Variants in RAVER1 observed in about 807,000 individuals in gnomAD.
RAVER1 encodes ribonucleoprotein PTB-binding 1.
RAVER1 carries 36 observed loss-of-function variants against 68.4 expected under a neutral mutation model. The ratio of observed to expected loss-of-function variants is 0.53; its 90% CI spans 0.40 to 0.70. The LOEUF (loss-of-function observed/expected upper bound fraction) is 0.70, where lower values mean the gene tolerates loss of function less well. RAVER1 is among the 30% of genes least tolerant of loss of function. RAVER1 has a pLI of 0.00. For missense variants in RAVER1, 933 were observed against 1,019.8 expected, an observed-to-expected ratio of 0.91 and a Z score of 1.16; for synonymous variants, 469 against 472.7, an observed-to-expected ratio of 0.99 and a Z score of 0.10.
chr19:10,322,690 C>T lies in RAVER1; in HGVS notation c.1128G>A (p.Leu376=), dbSNP rs1295850352. 6.5e-7 allele frequency: 1 copy of T among 1,535,868 alleles called. No individual in the cohort carries two copies. Among genetic ancestry groups the T allele is most frequent in the Non-Finnish European group, 8.7e-7 (1 of 1,152,176 alleles). ...PAMPLLNGPA[L]STALLQLALQ... ...GGGCGAGCTGCAACAGCGCCGTGGACAGGGCTGGCCCATTGAGCAGCGGCA... is the reference window on the plus strand; with the variant it reads ...GGGCGAGCTGCAACAGCGCCGTGGATAGGGCTGGCCCATTGAGCAGCGGCA... Residue 376 remains leucine, a synonymous_variant, in exon 6 of 13, where the codon CTG becomes CTA. Transcript: ENST00000617231. The surrounding 1 kb of genome is among the most constrained non-coding windows in gnomAD (Gnocchi z 4.3).
rs375659276 is a variant in RAVER1 at position 10,321,509 on chromosome 19, G to A, written c.1261+22C>T. 407 of 1,347,294 alleles carry A rather than the reference G, an allele frequency of 3.0e-4. 1 individual carries two copies. The highest frequency in any genetic ancestry group is 3.6e-4 in the Non-Finnish European group (379 of 1,040,472). The allele number at this position is 1,347,294 out of a possible 1,614,324, so 83.5% of individuals were successfully genotyped here. On this transcript the variant is annotated intron_variant, in intron 7 of 12. Transcript: ENST00000617231. ...GAAGGGGAAGTGGCTGGGGGACACC[G>A]TGTGGGCAGGGTCTGCGTTACCTGC...
At chr19:10,332,236 C>T (rs1187347755) in intron 1 of RAVER1, among the ~76,000 whole-genome samples, 1 of 152,136 alleles carries the variant, frequency 6.6e-6, no homozygotes, top group Non-Finnish European at 1.5e-5. Flanking sequence ...GGGCTCAATA[C>T]AGCCTCTTGC....
chr19:10,329,803 C>T lies in RAVER1; in HGVS notation c.286+657G>A, dbSNP rs1026443330. On this transcript the variant is annotated intron_variant, in intron 2 of 12. Transcript: ENST00000617231. The surrounding 1 kb of genome is among the most constrained non-coding windows in gnomAD (Gnocchi z 4.6). ...GGGTGCAGTGCAGCCTGTGCGGGCTCGCTGACCTCCCCTCCCATCTCACCG... is the reference window on the plus strand; with the variant it reads ...GGGTGCAGTGCAGCCTGTGCGGGCTTGCTGACCTCCCCTCCCATCTCACCG... Among the ~76,000 whole-genome samples the T allele has an allele frequency of 5.9e-5, 9 of 152,130 alleles. No individual in the cohort carries two copies. Among genetic ancestry groups the T allele is most frequent in the African/African-American group, 1.7e-4 (7 of 41,424 alleles).
In RAVER1 at chr19:10,321,068, G is replaced by C. The variant is rs1236899429; in HGVS notation, c.1453C>G (p.Pro485Ala). The change falls in exon 8 of 13, where the codon CCT becomes GCT. Residue 485 changes from proline to alanine, a missense_variant. Pro to Ala is a conservative substitution (Grantham distance 27). Around this residue, in one of 3 missense-constraint regions of RAVER1, gnomAD observed 699 missense variants for 731.1 expected, o/e 0.96. Transcript: ENST00000617231. ...GLRGLQKDSG[P>A]LPTPPGVSLL... ...CTTACCCCAGGGGGCGTCGGCAGAG[G>C]CCCACTGTCTTTCTGGAGGCCTCTG... The C allele has an allele frequency of 7.3e-7, 1 of 1,371,450 alleles. No homozygotes were observed. Among genetic ancestry groups the C allele is most frequent in the Non-Finnish European group, 9.4e-7 (1 of 1,064,218 alleles). The allele number at this position is 1,371,450 out of a possible 1,614,324, so 85.0% of individuals were successfully genotyped here. A position where few individuals can be genotyped will look rare whatever the true frequency, so the allele number is the denominator to read the frequency against.
At chr19:10,331,382 AAT>A (rs1426057972) in intron 1 of RAVER1, among the ~76,000 whole-genome samples, 3,918 of 89,920 alleles carry the variant, frequency 0.044, 144 homozygotes, top group African/African-American at 0.063. Flanking sequence ...AAAAAAAAAA[AAT>A]AACAACAACA....
chr19:10,328,747 A>T lies in RAVER1; in HGVS notation c.651T>A (p.Leu217=). ...WTDAGQLTPA[L]LHSRCLCVDR... Reference sequence around the variant, plus strand: ...CCACACAGAGGCAGCGGGAGTGGAGAAGGGCAGGCGTCAGTTGCCCGGCAT... The same window carrying T: ...CCACACAGAGGCAGCGGGAGTGGAGTAGGGCAGGCGTCAGTTGCCCGGCAT... Residue 217 remains leucine, a synonymous_variant, in exon 3 of 13, where the codon CTT becomes CTA. Transcript: ENST00000617231. The surrounding 1 kb of genome is among the most constrained non-coding windows in gnomAD (Gnocchi z 4.4). The T allele has an allele frequency of 6.2e-7, 1 of 1,612,666 alleles. No homozygotes were observed. The highest frequency in any genetic ancestry group is 8.5e-7 in the Non-Finnish European group (1 of 1,179,760).
In RAVER1 at chr19:10,328,549, CAAAA is replaced by C. The variant is rs144646475; in HGVS notation, c.756+89_756+92del. On this transcript the variant is annotated intron_variant, in intron 3 of 12. Coordinates refer to ENST00000617231, the MANE Select transcript of RAVER1 (RefSeq NM_133452.3). The surrounding 1 kb of genome is among the most constrained non-coding windows in gnomAD (Gnocchi z 4.4). ...CATGGGTGACAAAGTGAGACTGTCTCAAAAAAAAAAAAGAAAAGGCAGATGACTC... is the reference window on the plus strand; with the variant it reads ...CATGGGTGACAAAGTGAGACTGTCTCAAAAAAAAGAAAAGGCAGATGACTC... 4.1e-6 allele frequency: 3 copies of C among 725,650 alleles called. No homozygotes were observed. The highest frequency in any genetic ancestry group is 3.2e-5 in the East Asian group (1 of 31,372). The allele number at this position is 725,650 out of a possible 1,614,324, so 45.0% of individuals were successfully genotyped here.
At chr19:10,326,719 G>A (rs1038579953) in intron 3 of RAVER1, among the ~76,000 whole-genome samples, 2 of 150,058 alleles carry the variant, frequency 1.3e-5, no homozygotes, top group Non-Finnish European at 1.5e-5. Context: ...CCTCCAAAGA[G>A]CTGGCATTAC....
At chr19:10,320,231 C>T (rs1241881191) in intron 9 of RAVER1, among the ~76,000 whole-genome samples, 5 of 151,708 alleles carry the variant, frequency 3.3e-5, no homozygotes, top group African/African-American at 4.8e-5. Context: ...AGGCTGGGCG[C>T]GGTGGCTCTT....
rs1255525543 is a variant in RAVER1, at chr19:10,317,759, G to C, written c.2004C>G (p.Ser668=). Residue 668 remains serine (S), a synonymous_variant, in exon 12 of 13, where the codon TCC becomes TCG. Transcript: ENST00000617231. The surrounding 1 kb of genome is among the most constrained non-coding windows in gnomAD (Gnocchi z 4.3). ...QSHLSKAIGS[S]PLGSGEGLLG... ...GGAGCCCTTCTCCGGACCCCAGCGG[G>C]GAAGAGCCGATTGCCTGGGAGAAAT... 1 of 1,588,698 alleles carries C rather than the reference G, an allele frequency of 6.3e-7. No individual in the cohort carries two copies.
Position 10,316,439 on chromosome 19 carries a change from G to A in RAVER1, c.*1015C>T. 4 of 1,006,192 alleles carry A rather than the reference G, an allele frequency of 4.0e-6. No individual in the cohort carries two copies. The highest frequency in any genetic ancestry group is 4.7e-6 in the Non-Finnish European group (4 of 843,328). The allele number at this position is 1,006,192 out of a possible 1,614,324, so 62.3% of individuals were successfully genotyped here. ...TTATCTTCATGGAGTGCTGGTTTCT[G>A]GCACTGGGCTGGAAGGAGGCCAGCT... is the stretch of plus-strand genomic sequence containing the variant. On this transcript the variant is annotated 3_prime_UTR_variant, in exon 13 of 13. Coordinates refer to ENST00000617231, the MANE Select transcript of RAVER1 (RefSeq NM_133452.3).
intron 3 of RAVER1, among the ~76,000 whole-genome samples, chr19:10,325,234 G>GT (rs1266621613): frequency 4.6e-5 from 7 of 150,586 alleles, no homozygotes; most frequent in African/African-American, 1.2e-4. Context: ...TTTTTGTTTT[G>GT]TTTTTTTTGA....
chr19:10,321,525 C>T lies in RAVER1; in HGVS notation c.1261+6G>A, dbSNP rs764914080. 8.9e-6 allele frequency: 12 copies of T among 1,355,564 alleles called. No homozygotes were observed. In the African/African-American group the frequency reaches 9.0e-5, roughly 10 times the overall value. The allele number at this position is 1,355,564 out of a possible 1,614,324, so 84.0% of individuals were successfully genotyped here. On this transcript the variant is annotated splice_donor_region_variant and intron_variant, in intron 7 of 12. Coordinates refer to ENST00000617231, the MANE Select transcript of RAVER1 (RefSeq NM_133452.3). ...GGGGACACCGTGTGGGCAGGGTCTG[C>T]GTTACCTGCAGGCAGCTCCCCGAGG... is the stretch of plus-strand genomic sequence containing the variant.
rs2040403028 is a variant in RAVER1 at position 10,317,753 on chromosome 19, C to A, written c.2010G>T (p.Leu670=). ...GGCCCAGGAGCCCTTCTCCGGACCC[C>A]AGCGGGGAAGAGCCGATTGCCTGGG... is the stretch of plus-strand genomic sequence containing the variant. The part of the protein sequence containing the change: ...HLSKAIGSSP[L]GSGEGLLGLS... The change falls in exon 12 of 13, where the codon CTG becomes CTT. Residue 670 remains leucine (L), a synonymous_variant. Coordinates refer to ENST00000617231, the MANE Select transcript of RAVER1 (RefSeq NM_133452.3). The surrounding 1 kb of genome is among the most constrained non-coding windows in gnomAD (Gnocchi z 4.3). The A allele has an allele frequency of 1.3e-6, 2 of 1,592,672 alleles. No individual in the cohort carries two copies. Among genetic ancestry groups the A allele is most frequent in the African/African-American group, 2.7e-5 (2 of 74,694 alleles).
intron 10 of RAVER1, 92 bp downstream of exon 10, chr19:10,319,074 C>T (rs1221246917): frequency 8.3e-7 from 1 of 1,197,830 alleles, no homozygotes; most frequent in African/African-American, 1.5e-5. Flanking sequence ...ACACAAAATA[C>T]AAGGTCTGCT....
In RAVER1 at chr19:10,317,163, G is replaced by A. The variant is rs1053839440; in HGVS notation, c.*291C>T. On this transcript the variant is annotated 3_prime_UTR_variant, in exon 13 of 13. Transcript: ENST00000617231. The surrounding 1 kb of genome is among the most constrained non-coding windows in gnomAD (Gnocchi z 4.3). ...TGAGGCAGGAGGGCTCCGGAGAGAC[G>A]GGCACAGCGGAGGAGGAGATGGGGG... 1.5e-5 allele frequency: 7 copies of A among 465,368 alleles called. No individual in the cohort carries two copies. The highest frequency in any genetic ancestry group is 2.0e-5 in the African/African-American group (1 of 49,100). 28.8% of individuals were successfully genotyped at this position (465,368 alleles called of 1,614,324 possible).
chr19:10,321,154 C>T lies in RAVER1; in HGVS notation c.1367G>A (p.Gly456Asp). 1 of 1,285,766 alleles carries T rather than the reference C, an allele frequency of 7.8e-7. No individual in the cohort carries two copies. The highest frequency in any genetic ancestry group is 9.9e-7 in the Non-Finnish European group (1 of 1,014,284). The allele number at this position is 1,285,766 out of a possible 1,614,324, so 79.6% of individuals were successfully genotyped here. A position where few individuals can be genotyped will look rare whatever the true frequency, so the allele number is the denominator to read the frequency against. The change falls in exon 8 of 13, where the codon GGT (glycine) becomes GAT (aspartate). Residue 456 changes from glycine (G) to aspartate (D), a missense_variant. Physicochemically the swap from Gly to Asp is moderately conservative, Grantham distance 94. Coordinates refer to ENST00000617231, the MANE Select transcript of RAVER1 (RefSeq NM_133452.3). ...AGGAGTGAGCTGGGCCGCTGGGGGACCCAAGCCCAGGGCCTCCCGGTCACC... is the reference window on the plus strand; with the variant it reads ...AGGAGTGAGCTGGGCCGCTGGGGGATCCAAGCCCAGGGCCTCCCGGTCACC... ...AGGDREALGL[G>D]PPAAQLTPPP...
rs894334615 is a variant in RAVER1 at position 10,329,979 on chromosome 19, C to T, written c.286+481G>A. On this transcript the variant is annotated intron_variant, in intron 2 of 12. Coordinates refer to ENST00000617231, the MANE Select transcript of RAVER1 (RefSeq NM_133452.3). This position sits in a 1 kb window ranked among gnomAD's most constrained non-coding sequence, Gnocchi z 4.6. ...CTCTACTAAAAATACAAAAATTAGC[C>T]GGGCATGGTGGCACATGCCTGTAAT... Among the ~76,000 whole-genome samples the T allele has an allele frequency of 6.6e-6, 1 of 151,940 alleles. No individual in the cohort carries two copies. The highest frequency in any genetic ancestry group is 1.5e-5 in the Non-Finnish European group (1 of 67,988).
Position 10,328,528 on chromosome 19 carries a change from G to A in RAVER1, c.756+114C>T, listed in dbSNP as rs2040490399. 1.6e-5 allele frequency: 11 copies of A among 694,054 alleles called. No individual in the cohort carries two copies. The South Asian group carries it at 1.9e-4, about 12-fold the overall frequency. The allele number at this position is 694,054 out of a possible 1,614,324, so 43.0% of individuals were successfully genotyped here. ...GATTGTATCACTGCACTCCAGCATG[G>A]GTGACAAAGTGAGACTGTCTCAAAA... On this transcript the variant is annotated intron_variant, in intron 3 of 12. Coordinates refer to ENST00000617231, the MANE Select transcript of RAVER1 (RefSeq NM_133452.3). This position sits in a 1 kb window ranked among gnomAD's most constrained non-coding sequence, Gnocchi z 4.4.
Sources: gnomAD v4.1 joint callset for allele counts (sites outside exome capture counted in the v4.1 genomes callset) on GRCh38, gnomAD v4.1.1 for gene constraint, gnomAD v4.1.1 regional missense constraint, Gnocchi (gnomAD v3.1) non-coding constraint, MANE v1.5 for transcripts, NCBI Gene and HGNC (gene_info 2026-07-23, HGNC 2026-07-21) for gene names.